SMYD3: variants seen among roughly 807,000 people sequenced by gnomAD.
SMYD3 encodes SET and MYND domain containing 3.
In SMYD3, 36 loss-of-function variants were observed where a neutral mutation model predicts 57.7. The observed-to-expected ratio is 0.62, with a 90% confidence interval of 0.48 to 0.82. The LOEUF (loss-of-function observed/expected upper bound fraction) is 0.82, where lower values mean the gene tolerates loss of function less well. Among genes scored for constraint, SMYD3 ranks in the 40% least tolerant of loss-of-function variants. The probability of loss-of-function intolerance (pLI) is 0.00; values close to 1 mark genes in which losing one functional copy is unlikely to be tolerated. For synonymous variants in SMYD3, 211 were observed against 195.0 expected (o/e 1.08, Z -0.68); for missense variants, 515 against 538.8 (o/e 0.96, Z 0.44).
intron 5 of SMYD3, among the ~76,000 whole-genome samples, chr1:246,304,078 A>G (rs1217045602): frequency 1.3e-5 from 2 of 152,212 alleles, no homozygotes; most frequent in African/African-American, 4.8e-5. Context: ...GTTATTTGTA[A>G]TACATATTGG....
At chr1:246,074,599 T>C (rs2060514524) in intron 5 of SMYD3, among the ~76,000 whole-genome samples, 1 of 152,208 alleles carries the variant, frequency 6.6e-6, no homozygotes, top group Admixed American at 6.5e-5. Context: ...GAGTTTCTTG[T>C]TTATAAAGCT....
At chr1:246,030,600 T>TA in intron 5 of SMYD3, among the ~76,000 whole-genome samples, 1 of 152,334 alleles carries the variant, frequency 6.6e-6, no homozygotes, top group African/African-American at 2.4e-5. Flanking sequence ...GGTGATGGTA[T>TA]AGTGATCACT....
intron 1 of SMYD3, among the ~76,000 whole-genome samples, chr1:246,410,415 T>A (rs558455114): frequency 1.3e-5 from 2 of 152,346 alleles, no homozygotes; most frequent in East Asian, 3.9e-4. Context: ...CTTTTCTGCA[T>A]CTATTGAGAT....
chr1:246,225,515 A>G (rs2063318208), intron 5 of SMYD3, among the ~76,000 whole-genome samples: 1 of 152,122 alleles, frequency 6.6e-6, no homozygotes, highest in African/African-American at 2.4e-5. Flanking sequence ...ACTACATAGC[A>G]GTCTTTTCAG....
At chr1:246,466,773 G>C (rs910803337) in intron 1 of SMYD3, among the ~76,000 whole-genome samples, 2 of 152,010 alleles carry the variant, frequency 1.3e-5, no homozygotes, top group Admixed American at 6.6e-5. Flanking sequence ...ACTTGAGCCC[G>C]GGAAATCAAG....
rs1009218058 is a variant in SMYD3, at chr1:245,785,636, A to C, written c.1077-21487T>G. ...GACAGGGCACCTCTCCCCCAGAGAG[A>C]GAGCGAGCGAGAGAGAGAGAGAGAG... is the stretch of plus-strand genomic sequence containing the variant. On this transcript the variant is annotated intron_variant, in intron 10 of 11. Coordinates refer to ENST00000490107, the MANE Select transcript of SMYD3 (RefSeq NM_001167740.2). 6.1e-5 allele frequency among the ~76,000 whole-genome samples: 9 copies of C among 148,582 alleles called. No individual in the cohort carries two copies. In the South Asian group the frequency reaches 6.3e-4, roughly 10 times the overall value.
intron 5 of SMYD3, among the ~76,000 whole-genome samples, chr1:246,056,014 T>C (rs1229270776): frequency 6.6e-6 from 1 of 152,160 alleles, no homozygotes; most frequent in African/African-American, 2.4e-5. Flanking sequence ...GAAAATTTCA[T>C]TATATATACA....
At chr1:245,829,326 T>C (rs2148375006) in intron 10 of SMYD3, among the ~76,000 whole-genome samples, 1 of 152,276 alleles carries the variant, frequency 6.6e-6, no homozygotes, top group Admixed American at 6.5e-5. Flanking sequence ...GCCCTAGGGA[T>C]ATAAGATTAA....
At chr1:245,755,018 G>A (rs982325371) in intron 11 of SMYD3, among the ~76,000 whole-genome samples, 1 of 152,156 alleles carries the variant, frequency 6.6e-6, no homozygotes, top group African/African-American at 2.4e-5. Flanking sequence ...GAAAAAGCAT[G>A]GCTGTTGTAT....
chr1:245,760,191 T>C (rs944690375), intron 11 of SMYD3, among the ~76,000 whole-genome samples: 1 of 152,208 alleles, frequency 6.6e-6, no homozygotes, highest in Non-Finnish European at 1.5e-5. Flanking sequence ...GTAATAAATT[T>C]CTGTTTCTGA....
chr1:245,821,405 T>G (rs2049152506), intron 10 of SMYD3, among the ~76,000 whole-genome samples: 1 of 150,650 alleles, frequency 6.6e-6, no homozygotes, highest in Non-Finnish European at 1.5e-5. Flanking sequence ...TCAAGATTGA[T>G]TAAAGACTTA....
chr1:246,168,317 C>G, intron 5 of SMYD3, among the ~76,000 whole-genome samples: 1 of 152,140 alleles, frequency 6.6e-6, no homozygotes, highest in East Asian at 1.9e-4. Flanking sequence ...CGAACCTCTC[C>G]CAGATTCAGC....
At chr1:246,356,368 A>C (rs1269896771) in intron 1 of SMYD3, among the ~76,000 whole-genome samples, 1 of 152,200 alleles carries the variant, frequency 6.6e-6, no homozygotes, top group Non-Finnish European at 1.5e-5. Context: ...CAATTCTGGT[A>C]ATATGACAAA....
chr1:246,130,345 C>G (rs2061569620), intron 5 of SMYD3, among the ~76,000 whole-genome samples: 1 of 152,138 alleles, frequency 6.6e-6, no homozygotes, highest in Non-Finnish European at 1.5e-5. Flanking sequence ...TTTATAAGCC[C>G]TGAATCCATT....
intron 5 of SMYD3, among the ~76,000 whole-genome samples, chr1:246,143,012 A>C (rs2061782872): frequency 6.6e-6 from 1 of 152,180 alleles, no homozygotes; most frequent in Non-Finnish European, 1.5e-5. Context: ...TGGAATGGTA[A>C]GAAATAATTG....
chr1:245,967,814 T>TA (rs1400430000), intron 5 of SMYD3, among the ~76,000 whole-genome samples: 2 of 152,112 alleles, frequency 1.3e-5, no homozygotes, highest in Non-Finnish European at 2.9e-5. Flanking sequence ...TTTACCCAAA[T>TA]AAAATAGCAG....
chr1:246,267,072 C>T (rs1274278131), intron 5 of SMYD3, among the ~76,000 whole-genome samples: 1 of 151,994 alleles, frequency 6.6e-6, no homozygotes, highest in Non-Finnish European at 1.5e-5. Flanking sequence ...GTATCTAGTA[C>T]TGGATAATGC....
At chr1:246,262,560 C>A (rs11588588) in intron 5 of SMYD3, among the ~76,000 whole-genome samples, 2 of 152,016 alleles carry the variant, frequency 1.3e-5, no homozygotes, top group South Asian at 4.1e-4. Flanking sequence ...CCATTTTGTT[C>A]TTCCTTTCAG....
chr1:246,301,930 C>T (rs1184891993), intron 5 of SMYD3, among the ~76,000 whole-genome samples: 3 of 152,166 alleles, frequency 2.0e-5, no homozygotes, highest in East Asian at 1.9e-4. Context: ...TCATCTAGCA[C>T]TCACTCCTCA....
Sources: allele counts gnomAD v4.1 joint callset (sites outside exome capture counted in the v4.1 genomes callset), GRCh38; gene constraint gnomAD v4.1.1; transcripts MANE v1.5; gene names NCBI Gene and HGNC (gene_info 2026-07-23, HGNC 2026-07-21).